The following ADAMTS17 variants were observed in gnomAD, a reference collection of about 807,000 sequenced individuals.
The protein encoded by ADAMTS17 is A disintegrin and metalloproteinase with thrombospondin motifs 17.
In ADAMTS17, 113 loss-of-function variants were observed where a neutral mutation model predicts 141.5. The observed-to-expected ratio is 0.80, with a 90% confidence interval of 0.69 to 0.93. ADAMTS17 has a LOEUF of 0.93. ADAMTS17 is among the 40% of genes least tolerant of loss of function. ADAMTS17 has a pLI of 0.00. For missense variants in ADAMTS17, 1,659 were observed against 1,517.9 expected, an observed-to-expected ratio of 1.09 and a Z score of -1.54; for synonymous variants, 768 against 630.6, an observed-to-expected ratio of 1.22 and a Z score of -3.27.
At chr15:100,258,609 C>A (rs1031016238) in intron 6 of ADAMTS17, among the ~76,000 whole-genome samples, 1 of 152,082 alleles carries the variant, frequency 6.6e-6, no homozygotes, top group African/African-American at 2.4e-5. Context: ...TCTTGTGAGA[C>A]TTCTTCACGA....
rs190469061 is a variant in ADAMTS17, at chr15:100,207,317, T to G, written c.1076-7894A>C. On this transcript the variant is annotated intron_variant, in intron 7 of 21. Transcript: ENST00000268070. The stretch of plus-strand genomic sequence containing the variant: ...ATTCCTTATCCCAAACCAGTCCTAC[T>G]GGCACTGCGGAGTTCCAGCTTCCAG... 7.9e-5 allele frequency among the ~76,000 whole-genome samples: 12 copies of G among 152,326 alleles called. No homozygotes were observed. In the South Asian group the frequency reaches 1.9e-3, roughly 24 times the overall value.
chr15:100,300,556 C>T (rs547845860), intron 3 of ADAMTS17, among the ~76,000 whole-genome samples: 20 of 152,346 alleles, frequency 1.3e-4, no homozygotes, highest in African/African-American at 4.6e-4. Flanking sequence ...TCTTGAAGTG[C>T]TTCCACGTGC....
intron 4 of ADAMTS17, among the ~76,000 whole-genome samples, chr15:100,269,285 T>C (rs1174106315): frequency 1.3e-5 from 2 of 152,210 alleles, no homozygotes; most frequent in Non-Finnish European, 2.9e-5. Context: ...GTGAGATCTA[T>C]TAAACTAAAG....
chr15:100,261,912 T>C (rs781278607), intron 5 of ADAMTS17, among the ~76,000 whole-genome samples: 1 of 152,200 alleles, frequency 6.6e-6, no homozygotes, highest in Non-Finnish European at 1.5e-5. Context: ...AACCAAGCGA[T>C]GCTCCCTCAG....
chr15:100,170,167 A>G (rs1026817318), intron 8 of ADAMTS17, among the ~76,000 whole-genome samples: 18 of 152,100 alleles, frequency 1.2e-4, no homozygotes, highest in Non-Finnish European at 2.6e-4. Context: ...GGGGTAGAGA[A>G]CTTTGAATTC....
In ADAMTS17 at chr15:99,974,436, G is replaced by C. The variant is rs767614213; in HGVS notation, c.3254C>G (p.Ala1085Gly). 4 of 1,614,196 alleles carry C rather than the reference G, an allele frequency of 2.5e-6. No homozygotes were observed. In the South Asian group the frequency reaches 4.4e-5, roughly 18 times the overall value. ...CGGCGGTGGCTGGCGCATCTTGTTT[G>C]CATAGAAGTCCCTGCAGGTCTGGCA... Reference protein sequence around the residue: ...RCCQTCRDFYANKMRQPPPNS With the variant: ...RCCQTCRDFYGNKMRQPPPNS The change falls in exon 22 of 22, where the codon GCA becomes GGA. Residue 1085 changes from alanine to glycine, a missense_variant. Physicochemically the swap from Ala to Gly is moderately conservative, Grantham distance 60. Transcript: ENST00000268070.
At chr15:100,124,771 G>A (rs1025483074) in intron 12 of ADAMTS17, among the ~76,000 whole-genome samples, 5 of 131,620 alleles carry the variant, frequency 3.8e-5, no homozygotes, top group East Asian at 2.3e-4. Flanking sequence ...GTGAGAAACC[G>A]AAAGCGTGGA....
At chr15:100,128,128 GGGGAGATGTGGGCTA>G (rs1302124661) in intron 12 of ADAMTS17, 3 of 152,228 alleles carry the variant, frequency 2.0e-5, no homozygotes, top group African/African-American at 7.2e-5. Context: ...TTTACTGAGA[GGGGAGATGTGGGCTA>G]GGAGTAGAGG....
chr15:100,090,770 G>C (rs973349317), intron 15 of ADAMTS17, among the ~76,000 whole-genome samples: 1 of 152,132 alleles, frequency 6.6e-6, no homozygotes, highest in Non-Finnish European at 1.5e-5. Flanking sequence ...CACTTTGGGA[G>C]GCTGAGGCGG....
chr15:100,020,737 C>A (rs547040847), intron 18 of ADAMTS17, among the ~76,000 whole-genome samples: 2 of 152,348 alleles, frequency 1.3e-5, no homozygotes, highest in East Asian at 3.9e-4. Flanking sequence ...GACATCCAGG[C>A]TAGAGCCATG....
intron 7 of ADAMTS17, among the ~76,000 whole-genome samples, chr15:100,209,201 A>C (rs1047054687): frequency 1.3e-5 from 2 of 152,100 alleles, no homozygotes; most frequent in African/African-American, 2.4e-5. Flanking sequence ...TAGCCCAGCA[A>C]AGCCCATTCT....
chr15:100,007,591 T>G (rs879350418), intron 18 of ADAMTS17, among the ~76,000 whole-genome samples: 1 of 151,892 alleles, frequency 6.6e-6, no homozygotes, highest in Admixed American at 6.6e-5. Context: ...GTCTTTGGTA[T>G]GTGGGGTCAA....
intron 2 of ADAMTS17, among the ~76,000 whole-genome samples, chr15:100,340,291 C>T (rs2046324869): frequency 6.6e-6 from 1 of 152,176 alleles, no homozygotes; most frequent in African/African-American, 2.4e-5. Flanking sequence ...GCACCTGTTC[C>T]GGGTGCCTCA....
chr15:100,094,448 C>G (rs573660413), intron 15 of ADAMTS17, among the ~76,000 whole-genome samples: 1 of 152,194 alleles, frequency 6.6e-6, no homozygotes, highest in African/African-American at 2.4e-5. Flanking sequence ...CTGCCTAGGT[C>G]AAATCAAGGG....
intron 8 of ADAMTS17, among the ~76,000 whole-genome samples, chr15:100,185,593 T>G (rs2040685563): frequency 2.0e-5 from 3 of 152,358 alleles, no homozygotes; most frequent in South Asian, 4.1e-4. Flanking sequence ...CCATTGCTTC[T>G]AAAGAACTCT....
intron 4 of ADAMTS17, among the ~76,000 whole-genome samples, chr15:100,274,252 T>C (rs1372043904): frequency 4.6e-5 from 7 of 152,228 alleles, no homozygotes; most frequent in African/African-American, 1.7e-4. Flanking sequence ...TTGTTCTATC[T>C]ACTAATGAGA....
intron 8 of ADAMTS17, among the ~76,000 whole-genome samples, chr15:100,180,319 T>C (rs1477768105): frequency 1.3e-5 from 2 of 152,210 alleles, no homozygotes; most frequent in Admixed American, 6.5e-5. Context: ...CAAAAATGAG[T>C]TCACTGTAGA....
At chr15:100,185,606 T>C (rs952426987) in intron 8 of ADAMTS17, among the ~76,000 whole-genome samples, 10 of 152,326 alleles carry the variant, frequency 6.6e-5, no homozygotes, top group East Asian at 1.9e-4. Flanking sequence ...AGAACTCTAA[T>C]GTTAAGAACC....
At chr15:100,008,538 G>A (rs2061086710) in intron 18 of ADAMTS17, among the ~76,000 whole-genome samples, 1 of 152,236 alleles carries the variant, frequency 6.6e-6, no homozygotes, top group African/African-American at 2.4e-5. Flanking sequence ...GGACACCTGA[G>A]GGGAAGGCTT....
Sources: allele counts gnomAD v4.1 joint callset (sites outside exome capture counted in the v4.1 genomes callset), GRCh38; gene constraint gnomAD v4.1.1; transcripts MANE v1.5; gene names NCBI Gene and HGNC (gene_info 2026-07-23, HGNC 2026-07-21).